The following ANKS1B variants were observed in gnomAD, a reference collection of about 807,000 sequenced individuals.
ANKS1B encodes ankyrin repeat and sterile alpha motif domain containing 1B.
In ANKS1B, 36 loss-of-function variants were observed where a neutral mutation model predicts 148.3. That is an observed-to-expected ratio of 0.24 (90% CI 0.19 to 0.32). The LOEUF (loss-of-function observed/expected upper bound fraction) is 0.32. ANKS1B is among the 10% of genes least tolerant of loss of function. The pLI is 1.00. For synonymous variants in ANKS1B, 542 were observed against 560.8 expected (o/e 0.97, Z 0.47); for missense variants, 1,157 against 1,542.6 (o/e 0.75, Z 4.19).
At chr12:98,891,673 T>C (rs1459469619) in intron 17 of ANKS1B, among the ~76,000 whole-genome samples, 1 of 152,168 alleles carries the variant, frequency 6.6e-6, no homozygotes, top group Non-Finnish European at 1.5e-5. Context: ...GGCAACCAAA[T>C]ACATATACAA....
At chr12:99,256,119 G>A (rs1602122704) in intron 12 of ANKS1B, among the ~76,000 whole-genome samples, 1 of 151,848 alleles carries the variant, frequency 6.6e-6, no homozygotes, top group East Asian at 1.9e-4. Flanking sequence ...CTGTGGTGGT[G>A]CGTGCCTATA....
chr12:99,570,648 A>AG (rs2097445342), intron 9 of ANKS1B, among the ~76,000 whole-genome samples: 1 of 151,292 alleles, frequency 6.6e-6, no homozygotes, highest in South Asian at 2.1e-4. Context: ...TTCGTCTCAA[A>AG]AAAAAAAAAA....
intron 14 of ANKS1B, among the ~76,000 whole-genome samples, chr12:99,213,661 G>C (rs2083691083): frequency 6.6e-6 from 1 of 152,192 alleles, no homozygotes; most frequent in Non-Finnish European, 1.5e-5. Context: ...CTTCCCTTGA[G>C]TATGGTTAAT....
At position 99,032,708 on chromosome 12, in the gene ANKS1B, A is replaced by G. The variant is rs888561650; in HGVS notation, c.2778+20449T>C. On this transcript the variant is annotated intron_variant, in intron 17 of 26. Transcript: ENST00000683438. ...ATTCAATCTACTACAACTCTAGAAA[A>G]TTTATTCCACTTTCCTTATTTATTT... 7.2e-5 allele frequency among the ~76,000 whole-genome samples: 11 copies of G among 152,078 alleles called. No individual in the cohort carries two copies. In the East Asian group the frequency reaches 2.1e-3, roughly 29 times the overall value.
At chr12:98,769,437 T>C (rs2098539239) in intron 25 of ANKS1B, among the ~76,000 whole-genome samples, 1 of 152,096 alleles carries the variant, frequency 6.6e-6, no homozygotes, top group Admixed American at 6.6e-5. Flanking sequence ...AAATGGAGGA[T>C]CTGTGTAAGA....
At chr12:99,929,226 A>G (rs952890531) in intron 1 of ANKS1B, among the ~76,000 whole-genome samples, 12 of 152,326 alleles carry the variant, frequency 7.9e-5, no homozygotes, top group Non-Finnish European at 1.3e-4. Flanking sequence ...TCTTCACACA[A>G]TAACCACTCA....
intron 15 of ANKS1B, among the ~76,000 whole-genome samples, chr12:99,088,084 A>G (rs1599725791): frequency 6.6e-6 from 1 of 152,218 alleles, no homozygotes; most frequent in East Asian, 1.9e-4. Flanking sequence ...AAATTATGGG[A>G]AGCACAAGAA....
At chr12:99,473,264 T>C (rs2096269603) in intron 10 of ANKS1B, among the ~76,000 whole-genome samples, 1 of 152,068 alleles carries the variant, frequency 6.6e-6, no homozygotes, top group Non-Finnish European at 1.5e-5. Flanking sequence ...ACTTTCAATA[T>C]AGATCCACAT....
At position 99,126,440 on chromosome 12, in the gene ANKS1B, A is replaced by G. The variant is rs926249809; in HGVS notation, c.2526+27849T>C. 3.3e-5 allele frequency among the ~76,000 whole-genome samples: 5 copies of G among 152,158 alleles called. No homozygotes were observed. In the East Asian group the frequency reaches 5.8e-4, roughly 18 times the overall value. On this transcript the variant is annotated intron_variant, in intron 15 of 26. Transcript: ENST00000683438. ...GTATTTCAATTTAACAGTTTAGCAA[A>G]TTTTCTGTGCAATTCCGTAAAATAT...
At chr12:99,902,958 G>A (rs180993858) in intron 1 of ANKS1B, among the ~76,000 whole-genome samples, 2 of 145,312 alleles carry the variant, frequency 1.4e-5, no homozygotes, top group African/African-American at 5.3e-5. Context: ...TTAGAGACAG[G>A]GTTCGCCATG....
intron 9 of ANKS1B, among the ~76,000 whole-genome samples, chr12:99,624,275 A>G (rs2098087757): frequency 6.6e-6 from 1 of 152,122 alleles, no homozygotes; most frequent in Non-Finnish European, 1.5e-5. Context: ...AAAGACTTAA[A>G]CGTAAGACCT....
chr12:99,501,984 T>G (rs2096660213), intron 10 of ANKS1B, among the ~76,000 whole-genome samples: 1 of 152,182 alleles, frequency 6.6e-6, no homozygotes, highest in African/African-American at 2.4e-5. Flanking sequence ...CAGCAAGAGT[T>G]GACCTGAGCC....
At chr12:99,422,334 C>T (rs545802848) in intron 11 of ANKS1B, among the ~76,000 whole-genome samples, 173 of 152,180 alleles carry the variant, frequency 1.1e-3, no homozygotes, top group African/African-American at 4.0e-3. Flanking sequence ...AAGATAGATG[C>T]CATTCTTTCC....
intron 15 of ANKS1B, 133 bp from the exon 16 acceptor site, chr12:99,085,156 C>T (rs543172758): frequency 6.9e-5 from 51 of 737,172 alleles, no homozygotes; most frequent in South Asian, 8.9e-5. Context: ...GTCATTCTTC[C>T]GTGAGGGTGA....
intron 12 of ANKS1B, among the ~76,000 whole-genome samples, chr12:99,377,689 C>T (rs772653436): frequency 2.6e-4 from 40 of 152,166 alleles, no homozygotes; most frequent in Non-Finnish European, 5.3e-4. Flanking sequence ...ACATTGAAGG[C>T]ATTTGCATGT....
intron 12 of ANKS1B, among the ~76,000 whole-genome samples, chr12:99,251,325 C>T (rs2074558988): frequency 6.6e-6 from 1 of 152,112 alleles, no homozygotes; most frequent in African/African-American, 2.4e-5. Flanking sequence ...ATTAGACACT[C>T]AATAAAGATT....
At chr12:98,963,649 G>T (rs1366516891) in intron 17 of ANKS1B, among the ~76,000 whole-genome samples, 3 of 152,152 alleles carry the variant, frequency 2.0e-5, no homozygotes, top group Non-Finnish European at 4.4e-5. Flanking sequence ...AAAATGGACA[G>T]ATGGGATCAC....
At chr12:98,795,860 T>C (rs572655810) in intron 22 of ANKS1B, among the ~76,000 whole-genome samples, 69 of 152,304 alleles carry the variant, frequency 4.5e-4, no homozygotes, top group African/African-American at 1.6e-3. Context: ...CTCTTGGACT[T>C]TGTTTTCCCA....
At chr12:99,813,453 T>C (rs1040183882) in intron 2 of ANKS1B, among the ~76,000 whole-genome samples, 1 of 151,098 alleles carries the variant, frequency 6.6e-6, no homozygotes, top group African/African-American at 2.4e-5. Flanking sequence ...ATGGGGAGGG[T>C]GAACATAACA....
Sources: gnomAD v4.1 joint callset for allele counts (sites outside exome capture counted in the v4.1 genomes callset) on GRCh38, gnomAD v4.1.1 for gene constraint, MANE v1.5 for transcripts, NCBI Gene and HGNC (gene_info 2026-07-23, HGNC 2026-07-21) for gene names.